SUCLG2: variants seen among roughly 807,000 people sequenced by gnomAD.
SUCLG2 encodes the protein succinate-CoA ligase GDP-forming subunit beta.
In SUCLG2, 42 loss-of-function variants were observed where a neutral mutation model predicts 47.9. The ratio of observed to expected loss-of-function variants is 0.88; its 90% confidence interval spans 0.69 to 1.14. The LOEUF (loss-of-function observed/expected upper bound fraction) is 1.14. SUCLG2 is among the 50% of genes most tolerant of loss of function. SUCLG2 has a pLI of 0.00. For synonymous variants in SUCLG2, 195 were observed against 197.3 expected (o/e 0.99, Z 0.10); for missense variants, 571 against 525.9 (o/e 1.09, Z -0.84).
At chr3:67,368,007 C>T (rs962042087) in intron 10 of SUCLG2, among the ~76,000 whole-genome samples, 9 of 152,136 alleles carry the variant, frequency 5.9e-5, no homozygotes, top group Non-Finnish European at 1.3e-4. Context: ...AAAATGGCTA[C>T]ACGATATTCC....
At chr3:67,556,365 C>T (rs1707161810) in intron 2 of SUCLG2, among the ~76,000 whole-genome samples, 2 of 152,042 alleles carry the variant, frequency 1.3e-5, no homozygotes, top group Non-Finnish European at 2.9e-5. Context: ...AAATACATAC[C>T]CACAATGTTT....
At position 67,375,392 on chromosome 3, in the gene SUCLG2, C is replaced by T. The variant is rs558295963; in HGVS notation, c.*352G>A. 5.0e-6 allele frequency: 5 copies of T among 995,592 alleles called. No homozygotes were observed. The highest frequency in any genetic ancestry group is 6.0e-5 in the Admixed American group (1 of 16,636). The allele number at this position is 995,592 out of a possible 1,614,324, so 61.7% of individuals were successfully genotyped here. ...CTTTTTCATTATGTAGGATTAGATG[C>T]CCACCAAAATTCTTGTAAATGAAGC... On this transcript the variant is annotated 3_prime_UTR_variant, in exon 11 of 11. Transcript: ENST00000307227.
intron 1 of SUCLG2, among the ~76,000 whole-genome samples, chr3:67,635,002 A>C (rs1700984789): frequency 6.6e-6 from 1 of 152,256 alleles, no homozygotes; most frequent in African/African-American, 2.4e-5. Flanking sequence ...CTAGGAGAAT[A>C]GGATGAGTAA....
chr3:67,582,962 A>G (rs978855256), intron 2 of SUCLG2, among the ~76,000 whole-genome samples: 1 of 152,010 alleles, frequency 6.6e-6, no homozygotes, highest in Admixed American at 6.6e-5. Context: ...CTTCCATCAA[A>G]CTTCCATCAC....
At chr3:67,491,146 C>A (rs1366160902) in intron 9 of SUCLG2, among the ~76,000 whole-genome samples, 2 of 151,002 alleles carry the variant, frequency 1.3e-5, no homozygotes, top group Admixed American at 6.6e-5. Flanking sequence ...ACAAGGTAAA[C>A]CCATCTCTAC....
chr3:67,363,769 C>T (rs1701840084), intron 10 of SUCLG2, among the ~76,000 whole-genome samples: 1 of 151,938 alleles, frequency 6.6e-6, no homozygotes, highest in Non-Finnish European at 1.5e-5. Context: ...AAAGAGAGAA[C>T]AATAGCACTT....
chr3:67,560,190 A>AT (rs1267806656), intron 2 of SUCLG2, among the ~76,000 whole-genome samples: 1 of 152,146 alleles, frequency 6.6e-6, no homozygotes, highest in Non-Finnish European at 1.5e-5. Flanking sequence ...TTATTTGGAG[A>AT]TTGAGTTGTT....
chr3:67,501,516 C>T (rs1169846291), intron 7 of SUCLG2, among the ~76,000 whole-genome samples: 1 of 152,038 alleles, frequency 6.6e-6, no homozygotes, highest in Admixed American at 6.5e-5. Flanking sequence ...TGGCCTTTGA[C>T]CCTGATTCCT....
chr3:67,529,723 A>G (rs998796875), intron 2 of SUCLG2, among the ~76,000 whole-genome samples: 1 of 152,246 alleles, frequency 6.6e-6, no homozygotes, highest in Non-Finnish European at 1.5e-5. Flanking sequence ...AGGGAGGAGG[A>G]AATGGATTAA....
At chr3:67,637,427 C>T (rs192790231) in intron 1 of SUCLG2, among the ~76,000 whole-genome samples, 6 of 152,252 alleles carry the variant, frequency 3.9e-5, no homozygotes, top group Admixed American at 6.5e-5. Context: ...TTTTAAAAAA[C>T]GAAAGTACAG....
chr3:67,379,796 C>T (rs1702113172), intron 10 of SUCLG2, among the ~76,000 whole-genome samples: 1 of 152,226 alleles, frequency 6.6e-6, no homozygotes, highest in South Asian at 2.1e-4. Context: ...GGATATCTTT[C>T]TAATCACCAC....
At chr3:67,443,668 A>G (rs1285614030) in intron 9 of SUCLG2, among the ~76,000 whole-genome samples, 3 of 76,458 alleles carry the variant, frequency 3.9e-5, no homozygotes, top group Non-Finnish European at 8.7e-5. Flanking sequence ...CTGGCCGCCC[A>G]TCGTCTGAGA....
chr3:67,604,656 A>G (rs1266022931), intron 2 of SUCLG2, among the ~76,000 whole-genome samples: 1 of 151,882 alleles, frequency 6.6e-6, no homozygotes, highest in African/African-American at 2.4e-5. Flanking sequence ...GGCGAGAAGA[A>G]GAGAAGGTTT....
Position 67,624,400 on chromosome 3 carries a change from G to C in SUCLG2, c.85-14804C>G, listed in dbSNP as rs528575305. Among the ~76,000 whole-genome samples, 6 of 152,306 alleles carry C rather than the reference G, an allele frequency of 3.9e-5. No individual in the cohort carries two copies. In the South Asian group the frequency reaches 1.2e-3, roughly 32 times the overall value. ...GTGTTTAGAAAGACATTTCATTCTT[G>C]TTGATGAATAAAATACTACTGCTAT... On this transcript the variant is annotated intron_variant, in intron 1 of 10. Transcript: ENST00000307227.
chr3:67,468,311 A>C lies in SUCLG2; in HGVS notation c.1062+27487T>G, dbSNP rs1292049077. Among the ~76,000 whole-genome samples the C allele has an allele frequency of 2.6e-5, 4 of 152,294 alleles. No individual in the cohort carries two copies. In the East Asian group the frequency reaches 7.7e-4, roughly 29 times the overall value. ...AGAAAAAGTAGGGCAGCTTTCAAAGATGGTCCTGTAATATTTTCTGCTTCA... is the reference window on the plus strand; with the variant it reads ...AGAAAAAGTAGGGCAGCTTTCAAAGCTGGTCCTGTAATATTTTCTGCTTCA... On this transcript the variant is annotated intron_variant, in intron 9 of 10. Coordinates refer to ENST00000307227, the MANE Select transcript of SUCLG2 (RefSeq NM_003848.4).
intron 10 of SUCLG2, among the ~76,000 whole-genome samples, chr3:67,380,707 T>TAG (rs78636556): frequency 0.74 from 111,630 of 150,324 alleles, 41,616 homozygotes; most frequent in Middle Eastern, 0.82. Context: ...GAGAGGGAGA[T>TAG]AGAGAGAGAG....
intron 1 of SUCLG2, among the ~76,000 whole-genome samples, chr3:67,618,148 G>A (rs557404696): frequency 1.5e-4 from 23 of 152,222 alleles, no homozygotes; most frequent in Admixed American, 1.3e-3. Flanking sequence ...AGGGCCAGGC[G>A]CAGTGGCTCA....
chr3:67,471,063 A>G (rs922302792), intron 9 of SUCLG2, among the ~76,000 whole-genome samples: 6 of 152,242 alleles, frequency 3.9e-5, no homozygotes, highest in African/African-American at 1.2e-4. Context: ...TGGAGAAGAT[A>G]GAAAATATTG....
intron 2 of SUCLG2, among the ~76,000 whole-genome samples, chr3:67,548,758 T>C (rs1706932448): frequency 6.6e-6 from 1 of 152,212 alleles, no homozygotes; most frequent in Non-Finnish European, 1.5e-5. Context: ...ATCACAAGTC[T>C]CTTCCTAAAT....
Sources: gnomAD v4.1 joint callset for allele counts (sites outside exome capture counted in the v4.1 genomes callset) on GRCh38, gnomAD v4.1.1 for gene constraint, MANE v1.5 for transcripts, NCBI Gene and HGNC (gene_info 2026-07-23, HGNC 2026-07-21) for gene names.